COL9A1: variants seen among roughly 807,000 people sequenced by gnomAD.
COL9A1 encodes collagen type IX alpha 1 chain, also known as collagen alpha-1(IX) chain.
A neutral mutation model predicts 142.6 loss-of-function variants in COL9A1; 104 were observed. The ratio of observed to expected loss-of-function variants is 0.73; its 90% CI spans 0.62 to 0.86. The LOEUF is 0.86. Ranked by LOEUF, COL9A1 falls within the 40% of genes least tolerant of loss-of-function variation. COL9A1 has a pLI of 0.00. For synonymous variants in COL9A1, 466 were observed against 396.0 expected (o/e 1.18, Z -2.10); for missense variants, 1,210 against 1,176.6 (o/e 1.03, Z -0.42).
intron 15 of COL9A1, 68 bp downstream of exon 15, chr6:70,270,246 G>C (rs1461774870): frequency 1.3e-6 from 2 of 1,487,276 alleles, no homozygotes; most frequent in African/African-American, 2.8e-5. Flanking sequence ...CTTCCATTTT[G>C]GATTCTTAGA....
At chr6:70,218,784 G>GC (rs1768694004) in intron 37 of COL9A1, among the ~76,000 whole-genome samples, 1 of 152,070 alleles carries the variant, frequency 6.6e-6, no homozygotes, top group South Asian at 2.1e-4. Flanking sequence ...TAGAGATCCT[G>GC]CTTTACATAA....
chr6:70,300,247 A>AT, intron 3 of COL9A1, 62 bp downstream of exon 3: 1 of 1,602,728 alleles, frequency 6.2e-7, no homozygotes, highest in Non-Finnish European at 8.5e-7. Flanking sequence ...ACTTTCCCAA[A>AT]TAAAAAAAAA....
At position 70,300,041 on chromosome 6, in the gene COL9A1, A is replaced by G. The variant is rs764796150; in HGVS notation, c.299+2T>C. 1 of 1,613,366 alleles carries G rather than the reference A, an allele frequency of 6.2e-7. No homozygotes were observed. Among genetic ancestry groups the G allele is most frequent in the Non-Finnish European group, 8.5e-7 (1 of 1,179,382 alleles). Reference sequence around the variant, plus strand: ...TAGATTAAAATATTTTTGATAGATTACCTAGTTGGAATCCTGAAGTCTACA... The same window carrying G: ...TAGATTAAAATATTTTTGATAGATTGCCTAGTTGGAATCCTGAAGTCTACA... On this transcript the variant is annotated splice_donor_variant, in intron 4 of 37. Coordinates refer to ENST00000357250, the MANE Select transcript of COL9A1 (RefSeq NM_001851.6). LOFTEE classifies it high-confidence loss of function.
At chr6:70,285,408 G>A (rs897544939) in intron 5 of COL9A1, among the ~76,000 whole-genome samples, 3 of 152,230 alleles carry the variant, frequency 2.0e-5, no homozygotes, top group African/African-American at 7.2e-5. Flanking sequence ...GATTGGCAGA[G>A]TGCCTTGGTA....
At chr6:70,302,122 G>A in intron 1 of COL9A1, 48 bp from the exon 2 acceptor site, 1 of 1,263,922 alleles carries the variant, frequency 7.9e-7, no homozygotes, top group Non-Finnish European at 1.1e-6. Flanking sequence ...CCCCGCAGAT[G>A]GAAAACACTT....
chr6:70,249,870 C>G (rs1770826947), intron 28 of COL9A1, among the ~76,000 whole-genome samples: 1 of 152,184 alleles, frequency 6.6e-6, no homozygotes, highest in Non-Finnish European at 1.5e-5. Flanking sequence ...GCAGCTCTCC[C>G]TACTCCATGT....
intron 6 of COL9A1, 119 bp from the exon 7 acceptor site, chr6:70,283,037 G>C (rs1452601355): frequency 2.5e-6 from 4 of 1,605,422 alleles, no homozygotes; most frequent in Non-Finnish European, 3.4e-6. Flanking sequence ...CCGCGGTCCC[G>C]CGCAGTCCAG....
chr6:70,293,036 A>G (rs1034865945), intron 5 of COL9A1, among the ~76,000 whole-genome samples: 1 of 152,230 alleles, frequency 6.6e-6, no homozygotes, highest in Non-Finnish European at 1.5e-5. Context: ...TTCCCTTGAA[A>G]ACAAGTTATT....
At chr6:70,301,494 T>C (rs1168546620) in intron 2 of COL9A1, among the ~76,000 whole-genome samples, 1 of 152,154 alleles carries the variant, frequency 6.6e-6, no homozygotes, top group Non-Finnish European at 1.5e-5. Context: ...GAAGAATCAC[T>C]TGAACCTGGG....
chr6:70,276,044 G>GA (rs1232244742), intron 10 of COL9A1, among the ~76,000 whole-genome samples: 5 of 151,906 alleles, frequency 3.3e-5, no homozygotes, highest in South Asian at 2.1e-4. Context: ...GAATCAAATA[G>GA]AAAAAAATGA....
At chr6:70,263,439 G>T in intron 18 of COL9A1, 142 bp from the exon 19 acceptor site, 3 of 626,376 alleles carry the variant, frequency 4.8e-6, no homozygotes, top group Non-Finnish European at 8.1e-6. Context: ...TTATTTATAT[G>T]GGTAGTCCAA....
intron 5 of COL9A1, among the ~76,000 whole-genome samples, chr6:70,291,240 A>T (rs1227043329): frequency 6.6e-6 from 1 of 152,162 alleles, no homozygotes; most frequent in African/African-American, 2.4e-5. Flanking sequence ...AAATGGGAAC[A>T]CTAACAAAGC....
chr6:70,217,316 C>G, intron 37 of COL9A1, among the ~76,000 whole-genome samples: 1 of 152,206 alleles, frequency 6.6e-6, no homozygotes, highest in African/African-American at 2.4e-5. Flanking sequence ...TGTCTCTAAC[C>G]CCCATTTCCA....
At chr6:70,261,290 A>T (rs917093339) in intron 19 of COL9A1, among the ~76,000 whole-genome samples, 2 of 152,144 alleles carry the variant, frequency 1.3e-5, no homozygotes, top group Admixed American at 6.5e-5. Context: ...TCTTAGTCAT[A>T]AGAGTGGATA....
intron 5 of COL9A1, among the ~76,000 whole-genome samples, chr6:70,293,353 A>G (rs919976988): frequency 6.6e-6 from 1 of 152,196 alleles, no homozygotes; most frequent in African/African-American, 2.4e-5. Flanking sequence ...AAGTATAACA[A>G]TTCAAAATGA....
At chr6:70,300,269 T>C in intron 3 of COL9A1, 40 bp downstream of exon 3, 1 of 1,605,074 alleles carries the variant, frequency 6.2e-7, no homozygotes, top group Non-Finnish European at 8.5e-7. Context: ...ATCAGGTTTA[T>C]AGAAAGCATG....
chr6:70,235,147 T>C (rs1279603128), intron 33 of COL9A1, among the ~76,000 whole-genome samples: 1 of 152,206 alleles, frequency 6.6e-6, no homozygotes, highest in East Asian at 1.9e-4. Context: ...CTAGTTCAAG[T>C]TAACTTTCAA....
rs549163102 is a variant in COL9A1 at position 70,218,728 on chromosome 6, G to A, written c.2582-1647C>T. The stretch of plus-strand genomic sequence containing the variant: ...TTTGTTGGTCTTACTGTAGTAATAT[G>A]GTCTTATTCATATATATCTCACATA... On this transcript the variant is annotated intron_variant, in intron 37 of 37. Coordinates refer to ENST00000357250, the MANE Select transcript of COL9A1 (RefSeq NM_001851.6). Among the ~76,000 whole-genome samples the A allele has an allele frequency of 2.7e-4, 30 of 112,560 alleles. No homozygotes were observed. In the Admixed American group the frequency reaches 2.9e-3, roughly 11 times the overall value. 73.8% of individuals were successfully genotyped at this position (112,560 alleles called of 152,430 possible).
intron 23 of COL9A1, 43 bp from the exon 24 acceptor site, chr6:70,255,059 A>T (rs763487002): frequency 6.2e-7 from 1 of 1,613,282 alleles, no homozygotes. Flanking sequence ...ACACACAGTC[A>T]CATTCTTTTT....
Sources: gnomAD v4.1 joint callset for allele counts (sites outside exome capture counted in the v4.1 genomes callset) on GRCh38, gnomAD v4.1.1 for gene constraint, MANE v1.5 for transcripts, NCBI Gene and HGNC (gene_info 2026-07-23, HGNC 2026-07-21) for gene names.